The following PATJ variants were observed in gnomAD, a reference collection of about 807,000 sequenced individuals.
PATJ encodes PATJ crumbs cell polarity complex component, also known as inaD-like protein.
A neutral mutation model predicts 224.9 loss-of-function variants in PATJ; 190 were observed. The ratio of observed to expected loss-of-function variants is 0.84; its 90% CI spans 0.75 to 0.95. The LOEUF (loss-of-function observed/expected upper bound fraction) is 0.95. Among genes scored for constraint, PATJ ranks in the 40% least tolerant of loss-of-function variants. The pLI is 0.00. For synonymous variants in PATJ, 769 were observed against 820.3 expected (o/e 0.94, Z 1.07); for missense variants, 2,121 against 2,270.3 (o/e 0.93, Z 1.34).
At chr1:61,914,739 A>G (rs1673203109) in intron 26 of PATJ, 75 bp downstream of exon 26, 1 of 882,488 alleles carries the variant, frequency 1.1e-6, no homozygotes, top group African/African-American at 1.7e-5. Context: ...TCTGGGCTAT[A>G]ATAGAAGTGG....
At chr1:61,870,666 C>T (rs1360799679) in intron 20 of PATJ, among the ~76,000 whole-genome samples, 3 of 152,056 alleles carry the variant, frequency 2.0e-5, no homozygotes, top group East Asian at 1.9e-4. Flanking sequence ...TTGGCCATTG[C>T]GAATAATGGT....
intron 22 of PATJ, among the ~76,000 whole-genome samples, chr1:61,888,643 C>G (rs1669201210): frequency 6.6e-6 from 1 of 152,150 alleles, no homozygotes; most frequent in Non-Finnish European, 1.5e-5. Flanking sequence ...AATGAGACTG[C>G]TTCTCTAAAC....
intron 33 of PATJ, among the ~76,000 whole-genome samples, chr1:62,092,746 A>T (rs142837541): frequency 0.01 from 1,578 of 151,238 alleles, 21 homozygotes; most frequent in African/African-American, 0.03. Context: ...TTATTTATTT[A>T]TTTTTTTATT....
intron 25 of PATJ, among the ~76,000 whole-genome samples, chr1:61,911,486 C>T (rs1270421306): frequency 2.6e-5 from 4 of 151,890 alleles, no homozygotes; most frequent in Non-Finnish European, 2.9e-5. Flanking sequence ...TGAGCCACCG[C>T]ACCTAGCCAC....
intron 28 of PATJ, among the ~76,000 whole-genome samples, chr1:62,002,245 T>G (rs1171928594): frequency 6.6e-6 from 1 of 152,082 alleles, no homozygotes; most frequent in East Asian, 1.9e-4. Context: ...AGTTTGTGAG[T>G]CTCAACGTCG....
In PATJ at chr1:62,134,556, C is replaced by G. The variant is rs558426608; in HGVS notation, c.5271+5611C>G. On this transcript the variant is annotated intron_variant, in intron 41 of 43. Coordinates refer to ENST00000642238, the MANE Select transcript of PATJ (RefSeq NM_001350145.3). ...GACGGGGTTTCACCATGTTGGTCAG[C>G]CTGGTCTCAAACTCCTGACCTTAGG... Among the ~76,000 whole-genome samples, 376 of 150,028 alleles carry G rather than the reference C, an allele frequency of 2.5e-3. 2 individuals are homozygous for G. The highest frequency in any genetic ancestry group is 9.1e-3 in the African/African-American group (370 of 40,804).
At chr1:61,942,454 T>C (rs1677959028) in intron 27 of PATJ, among the ~76,000 whole-genome samples, 1 of 152,082 alleles carries the variant, frequency 6.6e-6, no homozygotes, top group Non-Finnish European at 1.5e-5. Context: ...ACTAGAATGA[T>C]TTTAATGCAA....
intron 6 of PATJ, among the ~76,000 whole-genome samples, chr1:61,773,097 T>G (rs1570399693): frequency 1.3e-5 from 2 of 152,246 alleles, no homozygotes; most frequent in African/African-American, 4.8e-5. Flanking sequence ...CTCGGCTCAC[T>G]GCAACCCCCG....
intron 33 of PATJ, among the ~76,000 whole-genome samples, chr1:62,104,345 C>G (rs1662614174): frequency 6.6e-6 from 1 of 152,022 alleles, no homozygotes. Flanking sequence ...ATATCCCAAC[C>G]CAGTATCTTT....
intron 27 of PATJ, among the ~76,000 whole-genome samples, chr1:61,969,827 G>A (rs1193783739): frequency 6.6e-6 from 1 of 152,026 alleles, no homozygotes; most frequent in Admixed American, 6.6e-5. Context: ...CTGAGTAGCT[G>A]GGACTAGAGG....
At chr1:62,015,172 C>T (rs1646700209) in intron 28 of PATJ, among the ~76,000 whole-genome samples, 2 of 151,622 alleles carry the variant, frequency 1.3e-5, no homozygotes, top group South Asian at 2.1e-4. Flanking sequence ...GGCTTGGTGG[C>T]GGGCACCTGT....
At chr1:62,110,024 A>G (rs1663608456) in intron 34 of PATJ, among the ~76,000 whole-genome samples, 1 of 152,218 alleles carries the variant, frequency 6.6e-6, no homozygotes, top group African/African-American at 2.4e-5. Flanking sequence ...TGAATAAAGC[A>G]AATTTATTTT....
intron 27 of PATJ, among the ~76,000 whole-genome samples, chr1:61,963,650 G>A (rs552850256): frequency 6.6e-6 from 1 of 152,232 alleles, no homozygotes; most frequent in Non-Finnish European, 1.5e-5. Context: ...TATTCATTAA[G>A]TGGAAGTGGA....
chr1:62,155,425 C>G (rs1385375569), intron 43 of PATJ, among the ~76,000 whole-genome samples: 1 of 152,098 alleles, frequency 6.6e-6, no homozygotes, highest in Non-Finnish European at 1.5e-5. Flanking sequence ...GACGGGGCAC[C>G]AGAACATACA....
At chr1:61,812,407 TGA>T (rs769833245) in intron 14 of PATJ, among the ~76,000 whole-genome samples, 4,423 of 79,506 alleles carry the variant, frequency 0.056, 144 homozygotes, top group East Asian at 0.23. Flanking sequence ...TGTGAGTGAC[TGA>T]GAGAGAGAGA....
chr1:61,781,131 C>G (rs887891365), intron 7 of PATJ, among the ~76,000 whole-genome samples: 3 of 152,152 alleles, frequency 2.0e-5, no homozygotes, highest in African/African-American at 7.2e-5. Context: ...GGATTGAGCC[C>G]GTACCTGTTT....
At chr1:61,965,659 C>T (rs1198021394) in intron 27 of PATJ, among the ~76,000 whole-genome samples, 1 of 152,130 alleles carries the variant, frequency 6.6e-6, no homozygotes, top group Non-Finnish European at 1.5e-5. Flanking sequence ...TTGAGAAGTA[C>T]AGAGAAGGCA....
chr1:61,962,892 C>A (rs996349525), intron 27 of PATJ, among the ~76,000 whole-genome samples: 14 of 152,158 alleles, frequency 9.2e-5, no homozygotes, highest in Non-Finnish European at 1.6e-4. Context: ...GCCAGCCCAG[C>A]CGCCAGAAAG....
intron 9 of PATJ, 134 bp downstream of exon 9, chr1:61,791,581 T>G: frequency 1.9e-6 from 1 of 522,612 alleles, no homozygotes; most frequent in East Asian, 3.1e-5. Flanking sequence ...TAGCAAGCAG[T>G]CACTTCTCAG....
Sources: gnomAD v4.1 joint callset for allele counts (sites outside exome capture counted in the v4.1 genomes callset) on GRCh38, gnomAD v4.1.1 for gene constraint, MANE v1.5 for transcripts, NCBI Gene and HGNC (gene_info 2026-07-23, HGNC 2026-07-21) for gene names.